Variants in PLPP4 observed in about 807,000 individuals in gnomAD.
PLPP4 encodes diacylglycerol pyrophosphate like 2.
Under a neutral mutation model 32.2 loss-of-function variants are expected in PLPP4, and 20 were observed. The observed-to-expected ratio is 0.62, with a 90% confidence interval of 0.44 to 0.90. The LOEUF is 0.90. PLPP4 is among the 40% of genes least tolerant of loss of function. PLPP4 has a pLI of 0.00. For missense variants in PLPP4, 257 were observed against 353.1 expected, an observed-to-expected ratio of 0.73 and a Z score of 2.18; for synonymous variants, 127 against 133.0, an observed-to-expected ratio of 0.95 and a Z score of 0.31.
chr10:120,548,553 C>T (rs1206495877), intron 5 of PLPP4, among the ~76,000 whole-genome samples: 1 of 152,038 alleles, frequency 6.6e-6, no homozygotes, highest in African/African-American at 2.4e-5. Context: ...CATGCTATGT[C>T]TTTATGGTAG....
chr10:120,588,650 C>T (rs1275024811), intron 6 of PLPP4, among the ~76,000 whole-genome samples: 1 of 152,140 alleles, frequency 6.6e-6, no homozygotes. Flanking sequence ...ATATTTAGAT[C>T]CTACAGAGAT....
chr10:120,550,571 C>T (rs1030708460), intron 5 of PLPP4, among the ~76,000 whole-genome samples: 3 of 151,470 alleles, frequency 2.0e-5, no homozygotes, highest in Non-Finnish European at 4.4e-5. Context: ...TGGTTAAGGA[C>T]AGATAAATAG....
chr10:120,565,318 GT>G lies in PLPP4; in HGVS notation c.446-9812del, dbSNP rs1373530335. 1.8e-3 allele frequency among the ~76,000 whole-genome samples: 12 copies of G among 6,856 alleles called. No homozygotes were observed. The East Asian group carries it at 0.049, about 28-fold the overall frequency. 4.5% of individuals were successfully genotyped at this position (6,856 alleles called of 152,430 possible). On this transcript the variant is annotated intron_variant, in intron 5 of 6. Coordinates refer to ENST00000398250, the MANE Select transcript of PLPP4 (RefSeq NM_001030059.3). ...ATTTCCTTTGATTTGTTTGTGTGGTGTGTGTGTGTGTGTGTGTGTGTGTGTG... is the reference window on the plus strand; with the variant it reads ...ATTTCCTTTGATTTGTTTGTGTGGTGGTGTGTGTGTGTGTGTGTGTGTGTG...
chr10:120,494,734 G>C (rs1295556786), intron 1 of PLPP4, among the ~76,000 whole-genome samples: 1 of 152,212 alleles, frequency 6.6e-6, no homozygotes, highest in Admixed American at 6.5e-5. Context: ...AGGTACAAGA[G>C]AGTTGGTAGG....
Position 120,590,354 on chromosome 10 carries a change from AAGGG to A in PLPP4, c.*855_*858del, listed in dbSNP as rs1327824275. On this transcript the variant is annotated 3_prime_UTR_variant, in exon 7 of 7. Transcript: ENST00000398250. ...AAACCGCATGCCTGGGGCTCATCTC[AAGGG>A]AGTGGCTGAGTGGCCATTGGGGATA... Among the ~76,000 whole-genome samples the A allele has an allele frequency of 1.1e-3, 168 of 152,282 alleles. No homozygotes were observed. Among genetic ancestry groups the A allele is most frequent in the Non-Finnish European group, 1.6e-3 (112 of 68,016 alleles).
chr10:120,457,190 CCG>C (rs1847815584), upstream of PLPP4: 3 of 711,368 alleles, frequency 4.2e-6, no homozygotes, highest in East Asian at 1.3e-4. Context: ...CCGCCCCCGC[CCG>C]CGGCCTGGAG....
intron 1 of PLPP4, among the ~76,000 whole-genome samples, chr10:120,481,755 G>C (rs1844216495): frequency 6.6e-6 from 1 of 152,218 alleles, no homozygotes; most frequent in Admixed American, 6.5e-5. Context: ...AGATTCTACT[G>C]TGCTGCCATT....
chr10:120,563,778 G>GT (rs1491108835), intron 5 of PLPP4, among the ~76,000 whole-genome samples: 26 of 81,036 alleles, frequency 3.2e-4, no homozygotes, highest in Non-Finnish European at 4.4e-4. Context: ...CCGCAGTCCG[G>GT]CCTGGGCGAC....
intron 1 of PLPP4, among the ~76,000 whole-genome samples, chr10:120,470,185 A>G (rs1274462942): frequency 6.6e-6 from 1 of 152,140 alleles, no homozygotes; most frequent in East Asian, 1.9e-4. Context: ...TTCACTTTGC[A>G]TTTCTCTATG....
At position 120,580,949 on chromosome 10, in the gene PLPP4, A is replaced by G. The variant is rs868602090; in HGVS notation, c.616+5648A>G. ...CAGTCACATTTACCATCGGCTGCCA[A>G]CCCCCGCCTCTGTCTGGGAACCTCT... On this transcript the variant is annotated intron_variant, in intron 6 of 6. Coordinates refer to ENST00000398250, the MANE Select transcript of PLPP4 (RefSeq NM_001030059.3). The G allele has an allele frequency of 2.3e-6, 3 of 1,280,412 alleles. No homozygotes were observed. The East Asian group carries it at 1.7e-4, about 72-fold the overall frequency. The allele number at this position is 1,280,412 out of a possible 1,614,324, so 79.3% of individuals were successfully genotyped here.
At chr10:120,574,078 A>G (rs191344495) in intron 5 of PLPP4, among the ~76,000 whole-genome samples, 8 of 149,308 alleles carry the variant, frequency 5.4e-5, no homozygotes, top group Admixed American at 4.7e-4. Context: ...ACCTGCCTTC[A>G]ATAAAAGCCT....
chr10:120,483,957 A>G (rs1380238470), intron 1 of PLPP4, among the ~76,000 whole-genome samples: 2 of 152,242 alleles, frequency 1.3e-5, no homozygotes, highest in African/African-American at 4.8e-5. Context: ...ACCCAGTCTC[A>G]GGTATTTCTC....
intron 6 of PLPP4, chr10:120,587,522 G>A (rs1849816931): frequency 6.6e-6 from 1 of 152,156 alleles, no homozygotes; most frequent in Non-Finnish European, 1.5e-5. Flanking sequence ...AGAAGATAAA[G>A]CTATTCATTA....
chr10:120,493,917 G>GC (rs1844836873), intron 1 of PLPP4, among the ~76,000 whole-genome samples: 1 of 152,122 alleles, frequency 6.6e-6, no homozygotes, highest in African/African-American at 2.4e-5. Context: ...TGGGAGGCAG[G>GC]CTTTGTAGTG....
At chr10:120,553,702 A>C (rs1848014897) in intron 5 of PLPP4, among the ~76,000 whole-genome samples, 1 of 152,194 alleles carries the variant, frequency 6.6e-6, no homozygotes, top group Non-Finnish European at 1.5e-5. Context: ...CACCATGTGG[A>C]AGCTGCCAAG....
At chr10:120,491,724 C>T (rs898192619) in intron 1 of PLPP4, among the ~76,000 whole-genome samples, 1 of 152,162 alleles carries the variant, frequency 6.6e-6, no homozygotes, top group Non-Finnish European at 1.5e-5. Flanking sequence ...CTGCTTCCCT[C>T]TCTCCCTTTT....
At chr10:120,487,007 C>T (rs1844489611) in intron 1 of PLPP4, among the ~76,000 whole-genome samples, 1 of 152,224 alleles carries the variant, frequency 6.6e-6, no homozygotes, top group Admixed American at 6.5e-5. Context: ...GAAACATTTT[C>T]CATGCAAGTA....
At chr10:120,558,574 C>T (rs1467202607) in intron 5 of PLPP4, among the ~76,000 whole-genome samples, 1 of 151,888 alleles carries the variant, frequency 6.6e-6, no homozygotes, top group South Asian at 2.1e-4. Context: ...CACCACCACA[C>T]CTGGCCAATG....
chr10:120,511,659 T>G (rs574553066), intron 2 of PLPP4, among the ~76,000 whole-genome samples: 1 of 152,334 alleles, frequency 6.6e-6, no homozygotes, highest in South Asian at 2.1e-4. Flanking sequence ...AAACAAGGAC[T>G]TCTTTGACCT....
Sources: allele counts gnomAD v4.1 joint callset (sites outside exome capture counted in the v4.1 genomes callset), GRCh38; gene constraint gnomAD v4.1.1; transcripts MANE v1.5; gene names NCBI Gene and HGNC (gene_info 2026-07-23, HGNC 2026-07-21).